GIPC2: variants seen among roughly 807,000 people sequenced by gnomAD.
GIPC2 encodes PDZ domain-containing protein GIPC2.
In GIPC2, 30 loss-of-function variants were observed where a neutral mutation model predicts 30.6. The observed-to-expected ratio is 0.98, with a 90% CI of 0.73 to 1.33. GIPC2 has a LOEUF of 1.33. Ranked by LOEUF, GIPC2 falls within the 40% of genes most tolerant of loss-of-function variation. GIPC2 has a pLI of 0.00. For synonymous variants in GIPC2, 167 were observed against 150.0 expected (o/e 1.11, Z -0.83); for missense variants, 414 against 390.3 (o/e 1.06, Z -0.51).
intron 5 of GIPC2, among the ~76,000 whole-genome samples, chr1:78,131,756 GAAATA>G (rs1662902444): frequency 6.6e-6 from 1 of 152,130 alleles, no homozygotes; most frequent in Non-Finnish European, 1.5e-5. Context: ...CTGAGGATGA[GAAATA>G]AAATAAAAAA....
chr1:78,127,815 A>G (rs955694306), intron 5 of GIPC2, among the ~76,000 whole-genome samples: 5 of 152,170 alleles, frequency 3.3e-5, no homozygotes, highest in Admixed American at 3.3e-4. Context: ...TCAGCCTCCC[A>G]CGTAGCTAGG....
intron 1 of GIPC2, among the ~76,000 whole-genome samples, chr1:78,048,765 C>G (rs1307093453): frequency 1.3e-5 from 2 of 151,900 alleles, no homozygotes; most frequent in Non-Finnish European, 2.9e-5. Context: ...CCCAAGTTTT[C>G]CAGAGTCTCA....
At chr1:78,113,386 T>A (rs530599821) in intron 3 of GIPC2, among the ~76,000 whole-genome samples, 1 of 152,312 alleles carries the variant, frequency 6.6e-6, no homozygotes, top group African/African-American at 2.4e-5. Context: ...TGAAATATTT[T>A]GTTTTTCTTT....
intron 3 of GIPC2, among the ~76,000 whole-genome samples, chr1:78,106,190 G>A (rs953599181): frequency 2.0e-5 from 3 of 148,600 alleles, no homozygotes; most frequent in Non-Finnish European, 3.0e-5. Flanking sequence ...AGCTGAGATC[G>A]CGCCACTGCA....
At chr1:78,075,175 A>C (rs934439743) in intron 1 of GIPC2, among the ~76,000 whole-genome samples, 1 of 152,198 alleles carries the variant, frequency 6.6e-6, no homozygotes, top group Admixed American at 6.5e-5. Context: ...CATAAAAGAG[A>C]GCTGTGTGTG....
chr1:78,074,687 T>C (rs1661683095), intron 1 of GIPC2, among the ~76,000 whole-genome samples: 1 of 152,222 alleles, frequency 6.6e-6, no homozygotes, highest in Admixed American at 6.5e-5. Context: ...TTTTCATCTC[T>C]TACGTTTCTT....
chr1:78,084,608 T>C (rs1029721322), intron 2 of GIPC2, among the ~76,000 whole-genome samples: 2 of 152,198 alleles, frequency 1.3e-5, no homozygotes, highest in Non-Finnish European at 2.9e-5. Flanking sequence ...AAATTTTTAC[T>C]TTCAAAGTCA....
At chr1:78,063,741 G>A (rs899867890) in intron 1 of GIPC2, among the ~76,000 whole-genome samples, 4 of 151,356 alleles carry the variant, frequency 2.6e-5, no homozygotes, top group African/African-American at 4.9e-5. Flanking sequence ...AAAATTTGCC[G>A]GGTGTGGTGG....
chr1:78,099,992 A>G (rs1363959865), intron 3 of GIPC2, among the ~76,000 whole-genome samples: 3 of 152,250 alleles, frequency 2.0e-5, no homozygotes, highest in Admixed American at 2.0e-4. Flanking sequence ...GGCCTTATAT[A>G]TGAAGACAAA....
At chr1:78,058,689 T>C (rs975365812) in intron 1 of GIPC2, among the ~76,000 whole-genome samples, 3 of 152,256 alleles carry the variant, frequency 2.0e-5, no homozygotes, top group African/African-American at 7.2e-5. Context: ...TACATATTAA[T>C]GGCTTTGAGA....
Position 78,053,853 on chromosome 1 carries a change from C to T in GIPC2, c.240+7519C>T, listed in dbSNP as rs144289457. On this transcript the variant is annotated intron_variant, in intron 1 of 5. Transcript: ENST00000370759. ...GCTGAGGTGGGAGGATCACTCAAGC[C>T]GGAGTTTGAGGCTGCAGTGAGCTAT... Among the ~76,000 whole-genome samples, 88 of 151,572 alleles carry T rather than the reference C, an allele frequency of 5.8e-4. 1 individual carries two copies. In the East Asian group the frequency reaches 0.012, roughly 21 times the overall value.
intron 1 of GIPC2, among the ~76,000 whole-genome samples, chr1:78,079,185 G>T (rs1049681757): frequency 6.6e-6 from 1 of 152,270 alleles, no homozygotes; most frequent in South Asian, 2.1e-4. Context: ...ACAAAGACTG[G>T]GATGAAAAGA....
chr1:78,080,559 G>A (rs1661804933), intron 1 of GIPC2, 116 bp from the exon 2 acceptor site: 1 of 610,796 alleles, frequency 1.6e-6, no homozygotes, highest in Admixed American at 3.1e-5. Flanking sequence ...ATTTTATGAT[G>A]TAACTCTTTA....
chr1:78,063,974 A>G (rs1218284973), intron 1 of GIPC2, among the ~76,000 whole-genome samples: 1 of 152,202 alleles, frequency 6.6e-6, no homozygotes, highest in African/African-American at 2.4e-5. Context: ...ACATTTTAAA[A>G]TAAGAGATAT....
intron 1 of GIPC2, among the ~76,000 whole-genome samples, chr1:78,075,980 G>A (rs1661709738): frequency 6.6e-6 from 1 of 152,200 alleles, no homozygotes; most frequent in Non-Finnish European, 1.5e-5. Context: ...CTCTTCTAAT[G>A]TTTGCAGTGA....
At chr1:78,103,608 A>G (rs1662290833) in intron 3 of GIPC2, among the ~76,000 whole-genome samples, 1 of 152,188 alleles carries the variant, frequency 6.6e-6, no homozygotes, top group Admixed American at 6.5e-5. Context: ...GTGTGGGCAT[A>G]GCACTCCAGT....
Position 78,135,695 on chromosome 1 carries a change from C to G in GIPC2, c.900C>G (p.Val300=). The G allele has an allele frequency of 1.2e-6, 2 of 1,613,684 alleles. No individual in the cohort carries two copies. The highest frequency in any genetic ancestry group is 1.7e-6 in the Non-Finnish European group (2 of 1,179,764). ...ACTTTGCGTTCCCAGACGAATTTGT[C>G]TTTGATGTTTGGGGAGTCATTGGTG... ...LGDFAFPDEF[V]FDVWGVIGDA... Residue 300 remains valine, a synonymous_variant, in exon 6 of 6, where the codon GTC becomes GTG. Transcript: ENST00000370759.
At chr1:78,085,977 A>T (rs1337102257) in intron 2 of GIPC2, among the ~76,000 whole-genome samples, 2 of 98,368 alleles carry the variant, frequency 2.0e-5, no homozygotes, top group Non-Finnish European at 4.4e-5. Context: ...GGGTTGATTT[A>T]TTTTTGCGTC....
At position 78,069,510 on chromosome 1, in the gene GIPC2, A is replaced by G. The variant is rs557888947; in HGVS notation, c.241-11165A>G. Among the ~76,000 whole-genome samples, 15 of 129,768 alleles carry G rather than the reference A, an allele frequency of 1.2e-4. 1 individual carries two copies. The South Asian group carries it at 1.4e-3, about 12-fold the overall frequency. 85.1% of individuals were successfully genotyped at this position (129,768 alleles called of 152,430 possible). ...TTTTTTTTTTTGAGACAGAGTCTCT[A>G]TCTCCCAGGCTGGAGTGCAGTGGTA... On this transcript the variant is annotated intron_variant, in intron 1 of 5. Coordinates refer to ENST00000370759, the MANE Select transcript of GIPC2 (RefSeq NM_017655.6).
Sources: gnomAD v4.1 joint callset for allele counts (sites outside exome capture counted in the v4.1 genomes callset) on GRCh38, gnomAD v4.1.1 for gene constraint, MANE v1.5 for transcripts, NCBI Gene and HGNC (gene_info 2026-07-23, HGNC 2026-07-21) for gene names.